Variants in PRPF6 observed in about 807,000 individuals in gnomAD.
PRPF6 encodes pre-mRNA processing factor 6.
PRPF6 carries 42 observed loss-of-function variants against 118.3 expected under a neutral mutation model. That is an observed-to-expected ratio of 0.35 (90% CI 0.28 to 0.46). PRPF6 has a LOEUF of 0.46. PRPF6 is among the 20% of genes least tolerant of loss of function. PRPF6 has a pLI of 1.00. For missense variants in PRPF6, 662 were observed against 1,255.7 expected (o/e 0.53, Z 7.15); for synonymous variants, 481 against 485.1 (o/e 0.99, Z 0.11).
At chr20:64,003,456 G>C (rs188630146) in intron 9 of PRPF6, among the ~76,000 whole-genome samples, 2 of 152,340 alleles carry the variant, frequency 1.3e-5, no homozygotes, top group African/African-American at 4.8e-5. Context: ...GTCTACGTCT[G>C]TTAGAAGACA....
chr20:64,021,954 T>C (rs961388182), intron 12 of PRPF6, among the ~76,000 whole-genome samples: 69 of 151,058 alleles, frequency 4.6e-4, no homozygotes, highest in African/African-American at 1.6e-3. Flanking sequence ...CGTGTGTGTG[T>C]GTGTGCACGT....
In PRPF6 at chr20:64,026,393, C is replaced by T. The variant is rs1352209980; in HGVS notation, c.2028+335C>T. Among the ~76,000 whole-genome samples, 2 of 152,194 alleles carry T rather than the reference C, an allele frequency of 1.3e-5. No individual in the cohort carries two copies. The highest frequency in any genetic ancestry group is 1.3e-4 in the Admixed American group (2 of 15,286). ...TGGTGGTGCGTGCCTGTAATCCCAG[C>T]TGCTCGGGAGGCTGAGGCAGGAGAA... On this transcript the variant is annotated intron_variant, in intron 15 of 20. Transcript: ENST00000266079. This position sits in a 1 kb window ranked among gnomAD's most constrained non-coding sequence, Gnocchi z 4.4.
chr20:63,988,045 C>T (rs188551598), intron 3 of PRPF6, among the ~76,000 whole-genome samples: 3 of 150,566 alleles, frequency 2.0e-5, no homozygotes, highest in Admixed American at 6.6e-5. Flanking sequence ...AGTTGCCAGG[C>T]GCTGGGACTC....
In PRPF6 at chr20:64,027,830, A is replaced by T. The variant is rs1353183611; in HGVS notation, c.2339+94A>T. The T allele has an allele frequency of 5.1e-6, 8 of 1,561,236 alleles. No homozygotes were observed. The highest frequency in any genetic ancestry group is 6.2e-6 in the Non-Finnish European group (7 of 1,135,768). ...GCTGCTTGTGTGGAGTCACTCGTGCAGTGCTTCCAGGCTCAGGGGCTTGGG... is the reference window on the plus strand; with the variant it reads ...GCTGCTTGTGTGGAGTCACTCGTGCTGTGCTTCCAGGCTCAGGGGCTTGGG... On this transcript the variant is annotated intron_variant, in intron 17 of 20. Transcript: ENST00000266079. The surrounding 1 kb of genome is among the most constrained non-coding windows in gnomAD (Gnocchi z 6.5).
intron 3 of PRPF6, among the ~76,000 whole-genome samples, chr20:63,986,326 CAA>C (rs919926005): frequency 6.6e-5 from 7 of 105,838 alleles, no homozygotes; most frequent in Admixed American, 2.5e-4. Flanking sequence ...GCCTGGGAGA[CAA>C]GAGCAAGACT....
chr20:64,029,183 C>T lies in PRPF6; in HGVS notation c.2432-194C>T, dbSNP rs959969354. ...CTCTGCAGGGTGTCCAGTCTGTGCC[C>T]TCAGGGCTGCCATGGTTTTGGGTGG... On this transcript the variant is annotated intron_variant, in intron 18 of 20. Coordinates refer to ENST00000266079, the MANE Select transcript of PRPF6 (RefSeq NM_012469.4). This position sits in a 1 kb window ranked among gnomAD's most constrained non-coding sequence, Gnocchi z 4.8. Among the ~76,000 whole-genome samples, 2 of 152,144 alleles carry T rather than the reference C, an allele frequency of 1.3e-5. No homozygotes were observed. Among genetic ancestry groups the T allele is most frequent in the Non-Finnish European group, 2.9e-5 (2 of 68,032 alleles).
At chr20:64,019,875 C>T (rs780838913) in intron 12 of PRPF6, among the ~76,000 whole-genome samples, 3 of 152,212 alleles carry the variant, frequency 2.0e-5, no homozygotes, top group Non-Finnish European at 4.4e-5. Context: ...ACTCCTCGTC[C>T]TCCTGACCCA....
intron 19 of PRPF6, among the ~76,000 whole-genome samples, chr20:64,031,168 G>T (rs1398180177): frequency 6.6e-6 from 1 of 152,248 alleles, no homozygotes; most frequent in East Asian, 1.9e-4. Context: ...CCCTTGTGCT[G>T]CCTGGAGCCC....
Position 64,001,208 on chromosome 20 carries a change from C to A in PRPF6, c.1155C>A (p.Asp385Glu). The A allele has an allele frequency of 1.2e-6, 2 of 1,614,258 alleles. No individual in the cohort carries two copies. Residue 385 changes from aspartate to glutamate, a missense_variant, in exon 9 of 21, where the codon GAC (aspartate) becomes GAA (glutamate). Transcript: ENST00000266079. ...TCAGAGCCGCAGAGCTGGAAACGGA[C>A]ATTCGTGCAAAGAAGCGGGTTCTTC... ...IYIRAAELET[D>E]IRAKKRVLRK...
intron 14 of PRPF6, among the ~76,000 whole-genome samples, chr20:64,025,228 C>T (rs1203651274): frequency 6.6e-6 from 1 of 152,182 alleles, no homozygotes; most frequent in Non-Finnish European, 1.5e-5. Flanking sequence ...CTGGGTTTAA[C>T]CTTTCGCTCT....
chr20:64,017,959 T>A (rs1266918412), intron 12 of PRPF6, among the ~76,000 whole-genome samples: 1 of 152,166 alleles, frequency 6.6e-6, no homozygotes, highest in Non-Finnish European at 1.5e-5. Flanking sequence ...TTCCAGCACT[T>A]TGGGAGGCCG....
intron 6 of PRPF6, among the ~76,000 whole-genome samples, chr20:63,997,500 G>A (rs1303798293): frequency 3.4e-5 from 5 of 146,290 alleles, no homozygotes; most frequent in African/African-American, 7.6e-5. Flanking sequence ...ACCGTCACCC[G>A]AGCTGGAGTG....
In PRPF6 at chr20:64,028,462, G is replaced by A. The variant is rs373318991; in HGVS notation, c.2340-16G>A. On this transcript the variant is annotated splice_polypyrimidine_tract_variant and intron_variant, in intron 17 of 20. Transcript: ENST00000266079. The surrounding 1 kb of genome is among the most constrained non-coding windows in gnomAD (Gnocchi z 6.5). ...TGGTAGACGGCTGTGGGACCTCCGG[G>A]GGCCTGTCTCCTCAGGTTGGAGTCC... 6.7e-5 allele frequency: 108 copies of A among 1,613,762 alleles called. No individual in the cohort carries two copies. In the African/African-American group the frequency reaches 1.4e-3, roughly 21 times the overall value.
intron 9 of PRPF6, among the ~76,000 whole-genome samples, chr20:64,005,588 T>G (rs2059186746): frequency 6.6e-6 from 1 of 152,060 alleles, no homozygotes; most frequent in African/African-American, 2.4e-5. Flanking sequence ...CAAATCTTTT[T>G]TTTGTTTTAG....
intron 10 of PRPF6, 42 bp downstream of exon 10, chr20:64,010,360 C>A: frequency 2.0e-6 from 3 of 1,495,888 alleles, no homozygotes; most frequent in South Asian, 1.1e-5. Context: ...CCAAAGTGGC[C>A]AAGGCCTGAG....
At chr20:64,030,649 C>T (rs1415457311) in intron 19 of PRPF6, among the ~76,000 whole-genome samples, 1 of 152,210 alleles carries the variant, frequency 6.6e-6, no homozygotes, top group Non-Finnish European at 1.5e-5. Flanking sequence ...TCTGATAGTG[C>T]AGCCATAAAA....
At chr20:63,993,226 ATGTGTGTGTGTGTGTGTGTGTG>A (rs61077852) in intron 3 of PRPF6, among the ~76,000 whole-genome samples, 159 bp from the exon 4 acceptor site, 1 of 129,336 alleles carries the variant, frequency 7.7e-6, no homozygotes, top group South Asian at 2.8e-4. Flanking sequence ...AAAAAAAAAA[ATGTGTGTGTGTGTGTGTGTGTG>A]TGTGTGTGTG....
At chr20:63,988,792 C>T (rs1026080131) in intron 3 of PRPF6, among the ~76,000 whole-genome samples, 1 of 151,742 alleles carries the variant, frequency 6.6e-6, no homozygotes, top group Non-Finnish European at 1.5e-5. Context: ...TCACTTGAAC[C>T]TGGAAGGCAG....
intron 9 of PRPF6, among the ~76,000 whole-genome samples, chr20:64,009,121 A>G (rs1292513240): frequency 6.6e-6 from 1 of 151,586 alleles, no homozygotes; most frequent in South Asian, 2.1e-4. Context: ...GTCTCTGCTA[A>G]AATTTCAAAA....
Sources: allele counts gnomAD v4.1 joint callset (sites outside exome capture counted in the v4.1 genomes callset), GRCh38; gene constraint gnomAD v4.1.1; non-coding constraint Gnocchi (gnomAD v3.1); transcripts MANE v1.5; gene names NCBI Gene and HGNC (gene_info 2026-07-23, HGNC 2026-07-21).